The following DPP6 variants were observed in gnomAD, a reference collection of about 807,000 sequenced individuals.
DPP6 encodes dipeptidyl peptidase like 6, also known as A-type potassium channel modulatory protein DPP6.
DPP6 carries 69 observed loss-of-function variants against 122.6 expected under a neutral mutation model. The observed-to-expected ratio is 0.56, with a 90% CI of 0.46 to 0.69. The LOEUF (loss-of-function observed/expected upper bound fraction) is 0.69. DPP6 is among the 30% of genes least tolerant of loss of function. The pLI is 0.00. For missense variants in DPP6, 928 were observed against 1,116.9 expected (o/e 0.83, Z 2.41); for synonymous variants, 418 against 433.1 (o/e 0.97, Z 0.43).
intron 12 of DPP6, among the ~76,000 whole-genome samples, chr7:154,798,618 C>A (rs894971350): frequency 2.0e-4 from 31 of 152,224 alleles, no homozygotes; most frequent in African/African-American, 6.5e-4. Context: ...GTCAGCCCAT[C>A]AGCTGCAGTT....
rs533657490 is a variant in DPP6, at chr7:153,962,250, C to T, written c.51+74516C>T. 1.1e-4 allele frequency among the ~76,000 whole-genome samples: 16 copies of T among 152,182 alleles called. No homozygotes were observed. The East Asian group carries it at 1.7e-3, about 17-fold the overall frequency. ...AGTTTTGAAGACTAGTCCTGTGAAA[C>T]GGTGTTTCTTTGTACTCCAATGGCC... On this transcript the variant is annotated intron_variant, in intron 1 of 25. Coordinates refer to the DPP6 transcript ENST00000404039.
intron 7 of DPP6, among the ~76,000 whole-genome samples, chr7:154,719,588 C>T (rs945519633): frequency 6.6e-6 from 1 of 152,182 alleles, no homozygotes; most frequent in Non-Finnish European, 1.5e-5. Flanking sequence ...ACAGACCTCA[C>T]TCTACTGGTG....
At chr7:154,412,503 T>C (rs919877510) in intron 1 of DPP6, among the ~76,000 whole-genome samples, 7 of 152,124 alleles carry the variant, frequency 4.6e-5, no homozygotes, top group Non-Finnish European at 1.0e-4. Flanking sequence ...TAACCTTAAT[T>C]GCCTTCTTAG....
At chr7:154,707,817 G>A (rs753346517) in intron 7 of DPP6, among the ~76,000 whole-genome samples, 13 of 152,168 alleles carry the variant, frequency 8.5e-5, no homozygotes, top group South Asian at 4.1e-4. Flanking sequence ...ATGAAAGCAC[G>A]TCCTACATAG....
At chr7:153,771,234 G>T in the DPP6 span, among the ~76,000 whole-genome samples, 3 of 152,082 alleles carry the variant, frequency 2.0e-5, no homozygotes, top group East Asian at 1.9e-4. Context: ...GGTCCCAAAG[G>T]CACCCACAGG....
intron 1 of DPP6, among the ~76,000 whole-genome samples, chr7:154,137,162 G>A (rs1287918014): frequency 2.0e-5 from 3 of 152,104 alleles, no homozygotes; most frequent in African/African-American, 7.2e-5. Context: ...CCCCGTTGAG[G>A]ATGTTTCTTA....
At chr7:154,826,747 G>C (rs1246831671) in intron 16 of DPP6, among the ~76,000 whole-genome samples, 2 of 152,156 alleles carry the variant, frequency 1.3e-5, no homozygotes, top group African/African-American at 4.8e-5. Context: ...GAGGCCTGCA[G>C]CTTTTTCTCT....
rs775016101 is a variant in DPP6, at chr7:154,893,451, T to TAAAAAAAAAAAAAAAAAAAAA, written c.*971_*972insAAAAAAAAAAAAAAAAAAAAA. 7 of 61,332 alleles carry TAAAAAAAAAAAAAAAAAAAAA rather than the reference T, an allele frequency of 1.1e-4. No homozygotes were observed. The highest frequency in any genetic ancestry group is 3.5e-4 in the African/African-American group (7 of 19,888). The allele number at this position is 61,332 out of a possible 1,614,324, so 3.8% of individuals were successfully genotyped here. A position where few individuals can be genotyped will look rare whatever the true frequency, so the allele number is the denominator to read the frequency against. ...CAAGCTCTTTCCCATGACATTTGGT[T>TAAAAAAAAAAAAAAAAAAAAA]TAAAAAAAAAAAAAAAAAAAAAAAA... On this transcript the variant is annotated 3_prime_UTR_variant, in exon 26 of 26. Transcript: ENST00000377770.
At chr7:154,794,350 C>T (rs1797878669) in intron 11 of DPP6, 148 bp downstream of exon 11, 1 of 1,344,662 alleles carries the variant, frequency 7.4e-7, no homozygotes, top group African/African-American at 1.5e-5. Context: ...GGCGCAGAGT[C>T]CCGGCTCCGG....
the DPP6 span, among the ~76,000 whole-genome samples, chr7:153,843,077 T>C: frequency 1.2e-3 from 168 of 145,738 alleles, 1 homozygote; most frequent in Middle Eastern, 7.1e-3. Flanking sequence ...CATACACACG[T>C]GCGCACACAC....
At chr7:154,224,329 T>TA (rs896911911) in intron 1 of DPP6, among the ~76,000 whole-genome samples, 1 of 148,314 alleles carries the variant, frequency 6.7e-6, no homozygotes, top group African/African-American at 2.6e-5. Flanking sequence ...CTCAAAAATA[T>TA]AAAAAAATCA....
the DPP6 span, among the ~76,000 whole-genome samples, chr7:153,764,101 C>G: frequency 1.3e-5 from 2 of 152,152 alleles, no homozygotes; most frequent in Non-Finnish European, 2.9e-5. Context: ...AGCTTTTTTT[C>G]TGGCTCTTTT....
chr7:154,444,145 C>T (rs114455723), intron 1 of DPP6, among the ~76,000 whole-genome samples: 28,986 of 151,942 alleles, frequency 0.19, 3,887 homozygotes, highest in African/African-American at 0.39. Flanking sequence ...TGCATATAGA[C>T]CAGAAATAGA....
At chr7:154,204,541 C>T (rs962014044) in intron 1 of DPP6, among the ~76,000 whole-genome samples, 1 of 152,178 alleles carries the variant, frequency 6.6e-6, no homozygotes. Context: ...GGCCTCCTCT[C>T]CCCAGTGTGA....
chr7:153,930,580 A>C (rs1422125251), intron 1 of DPP6, among the ~76,000 whole-genome samples: 3 of 152,210 alleles, frequency 2.0e-5, no homozygotes, highest in African/African-American at 7.2e-5. Flanking sequence ...ACACCATGGC[A>C]ACTACAGTTA....
intron 1 of DPP6, among the ~76,000 whole-genome samples, chr7:154,392,150 G>C (rs1285427248): frequency 6.6e-6 from 1 of 152,116 alleles, no homozygotes; most frequent in Non-Finnish European, 1.5e-5. Context: ...GCACACACCT[G>C]TAATTTCAGC....
At chr7:153,847,144 T>C in the DPP6 span, among the ~76,000 whole-genome samples, 1 of 152,254 alleles carries the variant, frequency 6.6e-6, no homozygotes, top group African/African-American at 2.4e-5. Flanking sequence ...TTTCTAATGT[T>C]AGAATTTCCA....
At chr7:154,177,863 T>C (rs1384364860) in intron 1 of DPP6, among the ~76,000 whole-genome samples, 2 of 152,186 alleles carry the variant, frequency 1.3e-5, no homozygotes, top group Non-Finnish European at 1.5e-5. Flanking sequence ...GTATAACCCA[T>C]AGGCGATGTT....
intron 2 of DPP6, among the ~76,000 whole-genome samples, chr7:154,449,249 A>G (rs1021975164): frequency 6.6e-6 from 1 of 152,208 alleles, no homozygotes; most frequent in African/African-American, 2.4e-5. Flanking sequence ...AAATAATTCA[A>G]TTTAAAAATA....
Sources: gnomAD v4.1 joint callset for allele counts (sites outside exome capture counted in the v4.1 genomes callset) on GRCh38, gnomAD v4.1.1 for gene constraint, MANE v1.5 for transcripts, NCBI Gene and HGNC (gene_info 2026-07-23, HGNC 2026-07-21) for gene names.